Variants in PTPRD observed in about 807,000 individuals in gnomAD.
The protein encoded by PTPRD is receptor-type tyrosine-protein phosphatase delta.
Under a neutral mutation model 214.5 loss-of-function variants are expected in PTPRD, and 34 were observed. The ratio of observed to expected loss-of-function variants is 0.16; its 90% CI spans 0.12 to 0.21. PTPRD has a LOEUF of 0.21. PTPRD is among the 10% of genes least tolerant of loss of function. The probability of loss-of-function intolerance (pLI) is 1.00; values close to 1 mark genes in which losing one functional copy is unlikely to be tolerated. For missense variants in PTPRD, 2,545 were observed against 2,398.7 expected, an observed-to-expected ratio of 1.06 and a Z score of -1.27; for synonymous variants, 1,128 against 845.7, an observed-to-expected ratio of 1.33 and a Z score of -5.79.
intron 3 of PTPRD, among the ~76,000 whole-genome samples, chr9:10,089,304 A>G (rs2098401626): frequency 6.6e-6 from 1 of 151,582 alleles, no homozygotes; most frequent in Non-Finnish European, 1.5e-5. Context: ...TAAAAATAAA[A>G]AATGTTTAGT....
At chr9:9,208,799 C>T in intron 9 of PTPRD, among the ~76,000 whole-genome samples, 1 of 151,332 alleles carries the variant, frequency 6.6e-6, no homozygotes, top group Non-Finnish European at 1.5e-5. Flanking sequence ...AACCCAGAGA[C>T]AATATAACTC....
At chr9:10,417,589 T>A (rs2098504185) in intron 2 of PTPRD, among the ~76,000 whole-genome samples, 1 of 151,798 alleles carries the variant, frequency 6.6e-6, no homozygotes, top group Non-Finnish European at 1.5e-5. Context: ...ATTTGCCTTA[T>A]AATAACCATA....
In PTPRD at chr9:8,520,507, G is replaced by A. The variant is rs144566072; in HGVS notation, c.961+770C>T. Among the ~76,000 whole-genome samples, 814 of 152,082 alleles carry A rather than the reference G, an allele frequency of 5.4e-3. 5 individuals carry two copies. The highest frequency in any genetic ancestry group is 0.01 in the Middle Eastern group (3 of 292). On this transcript the variant is annotated intron_variant, in intron 20 of 45. Coordinates refer to ENST00000381196, the MANE Select transcript of PTPRD (RefSeq NM_002839.4). Reference sequence around the variant, plus strand: ...ATTGCCTAGGAAAAGAAGATAATTTGTGTTCATTTTGCAATAGTTCTAGCC... The same window carrying A: ...ATTGCCTAGGAAAAGAAGATAATTTATGTTCATTTTGCAATAGTTCTAGCC...
intron 9 of PTPRD, among the ~76,000 whole-genome samples, chr9:9,288,250 C>T (rs867186753): frequency 6.6e-6 from 1 of 151,814 alleles, no homozygotes; most frequent in Non-Finnish European, 1.5e-5. Flanking sequence ...TGTAAACACA[C>T]TTGAACATAT....
intron 4 of PTPRD, among the ~76,000 whole-genome samples, chr9:9,977,052 T>G (rs2095382631): frequency 6.6e-6 from 1 of 152,176 alleles, no homozygotes; most frequent in Admixed American, 6.5e-5. Flanking sequence ...ATAGAATATT[T>G]ATGACTACTA....
intron 4 of PTPRD, among the ~76,000 whole-genome samples, chr9:9,971,269 G>T (rs528527834): frequency 6.6e-6 from 1 of 152,260 alleles, no homozygotes; most frequent in South Asian, 2.1e-4. Context: ...CAGCTGAACA[G>T]GTTGAAATAA....
chr9:8,529,479 A>G (rs2075119699), intron 14 of PTPRD, among the ~76,000 whole-genome samples: 1 of 152,172 alleles, frequency 6.6e-6, no homozygotes. Flanking sequence ...CCTTACAGGG[A>G]TAAGAGAATG....
chr9:9,729,120 G>C (rs1005158486), intron 7 of PTPRD, among the ~76,000 whole-genome samples: 7 of 152,138 alleles, frequency 4.6e-5, no homozygotes, highest in African/African-American at 1.7e-4. Flanking sequence ...CGTTTGAGTA[G>C]TTTGGGCGGG....
intron 3 of PTPRD, among the ~76,000 whole-genome samples, chr9:10,121,649 C>T (rs2098776303): frequency 6.6e-6 from 1 of 152,178 alleles, no homozygotes; most frequent in African/African-American, 2.4e-5. Context: ...CTATGAGAAT[C>T]TTCCATTTTC....
chr9:8,573,070 T>G (rs1272756380), intron 14 of PTPRD, among the ~76,000 whole-genome samples: 1 of 151,976 alleles, frequency 6.6e-6, no homozygotes. Context: ...TCAAATTGAA[T>G]CCTCAATTTA....
intron 8 of PTPRD, among the ~76,000 whole-genome samples, chr9:9,457,029 C>A (rs117688429): frequency 0.038 from 5,823 of 151,942 alleles, 154 homozygotes; most frequent in Non-Finnish European, 0.061. Flanking sequence ...AGTCATAGGG[C>A]AACTCTCTCT....
At chr9:9,845,439 G>A (rs1057098095) in intron 5 of PTPRD, among the ~76,000 whole-genome samples, 2 of 151,554 alleles carry the variant, frequency 1.3e-5, no homozygotes, top group Non-Finnish European at 2.9e-5. Context: ...ATCTACAGAG[G>A]ACACCCCTTA....
At chr9:9,477,330 G>C (rs2095129857) in intron 8 of PTPRD, among the ~76,000 whole-genome samples, 1 of 152,234 alleles carries the variant, frequency 6.6e-6, no homozygotes, top group South Asian at 2.1e-4. Context: ...GAGATTAACA[G>C]CATGAGGATG....
chr9:10,314,452 C>G (rs976767155), intron 3 of PTPRD, among the ~76,000 whole-genome samples: 3 of 151,856 alleles, frequency 2.0e-5, no homozygotes, highest in Non-Finnish European at 4.4e-5. Context: ...AAATAAGAAT[C>G]AGGAACTCCT....
At chr9:10,593,109 A>G (rs1340300923) in intron 2 of PTPRD, among the ~76,000 whole-genome samples, 1 of 152,086 alleles carries the variant, frequency 6.6e-6, no homozygotes, top group Non-Finnish European at 1.5e-5. Context: ...CAGACACAGT[A>G]GAATATAATA....
chr9:10,519,850 A>T (rs1461364272), intron 2 of PTPRD, among the ~76,000 whole-genome samples: 1 of 152,030 alleles, frequency 6.6e-6, no homozygotes, highest in African/African-American at 2.4e-5. Flanking sequence ...TGATTAACTA[A>T]TGTTATGTGT....
intron 10 of PTPRD, among the ~76,000 whole-genome samples, chr9:9,104,396 T>C (rs2099795604): frequency 6.6e-6 from 1 of 152,240 alleles, no homozygotes; most frequent in Non-Finnish European, 1.5e-5. Context: ...GACAGGAAGA[T>C]GGCTTTAGCC....
intron 7 of PTPRD, among the ~76,000 whole-genome samples, chr9:9,654,337 A>T (rs896043893): frequency 1.3e-5 from 2 of 152,160 alleles, no homozygotes; most frequent in African/African-American, 4.8e-5. Context: ...TGCTTAAGAT[A>T]AGTAATGATT....
chr9:10,200,457 C>A (rs2099415311), intron 3 of PTPRD, among the ~76,000 whole-genome samples: 1 of 152,016 alleles, frequency 6.6e-6, no homozygotes, highest in African/African-American at 2.4e-5. Context: ...ATAAGACAGT[C>A]CCCAAGAAGA....
Sources: allele counts gnomAD v4.1 joint callset (sites outside exome capture counted in the v4.1 genomes callset), GRCh38; gene constraint gnomAD v4.1.1; transcripts MANE v1.5; gene names NCBI Gene and HGNC (gene_info 2026-07-23, HGNC 2026-07-21).